The following KIF21A variants were observed in gnomAD, a reference collection of about 807,000 sequenced individuals.
The protein encoded by KIF21A is kinesin family member 21A.
Under a neutral mutation model 202.9 loss-of-function variants are expected in KIF21A, and 114 were observed. The observed-to-expected ratio is 0.56, with a 90% CI of 0.48 to 0.66. KIF21A has a LOEUF of 0.66. Among genes scored for constraint, KIF21A ranks in the 30% least tolerant of loss-of-function variants. The pLI is 0.00. For synonymous variants in KIF21A, 667 were observed against 670.8 expected, an observed-to-expected ratio of 0.99 and a Z score of 0.09; for missense variants, 1,677 against 1,994.9, an observed-to-expected ratio of 0.84 and a Z score of 3.04.
chr12:39,363,394 C>T (rs1482142404), intron 6 of KIF21A, among the ~76,000 whole-genome samples, 181 bp from the exon 7 acceptor site: 1 of 151,666 alleles, frequency 6.6e-6, no homozygotes, highest in East Asian at 1.9e-4. Context: ...TATATTAGTA[C>T]TATATATAAT....
At chr12:39,330,964 C>T (rs948282759) in intron 22 of KIF21A, 53 bp from the exon 23 acceptor site, 2 of 1,571,186 alleles carry the variant, frequency 1.3e-6, no homozygotes, top group African/African-American at 1.4e-5. Context: ...ATCTACCACA[C>T]AAAGATCTGT....
chr12:39,332,084 TA>T, intron 21 of KIF21A, 129 bp downstream of exon 21: 2 of 848,696 alleles, frequency 2.4e-6, no homozygotes, highest in Non-Finnish European at 1.9e-6. Flanking sequence ...GGCATACATG[TA>T]AAACCTAAGC....
intron 15 of KIF21A, 57 bp downstream of exon 15, chr12:39,340,849 A>G: frequency 8.0e-7 from 1 of 1,254,782 alleles, no homozygotes; most frequent in South Asian, 1.3e-5. Flanking sequence ...GGAAAAGATA[A>G]AAACCCATTT....
intron 36 of KIF21A, 131 bp downstream of exon 36, chr12:39,302,834 T>C: frequency 1.2e-6 from 1 of 826,366 alleles, no homozygotes. Flanking sequence ...TGAAACATTC[T>C]TTAAGAAAAA....
chr12:39,305,880 C>A (rs940754018), intron 34 of KIF21A, among the ~76,000 whole-genome samples: 1 of 152,132 alleles, frequency 6.6e-6, no homozygotes, highest in Non-Finnish European at 1.5e-5. Flanking sequence ...CACACATTTT[C>A]ACAAATACAC....
chr12:39,366,817 A>G (rs1949633519), intron 5 of KIF21A, among the ~76,000 whole-genome samples: 1 of 152,226 alleles, frequency 6.6e-6, no homozygotes, highest in South Asian at 2.1e-4. Context: ...ATATGGCCAC[A>G]GCATGCTTTT....
chr12:39,329,455 A>G lies in KIF21A; in HGVS notation c.3340+787T>C, dbSNP rs1013145625. 6.6e-5 allele frequency among the ~76,000 whole-genome samples: 10 copies of G among 152,266 alleles called. No homozygotes were observed. The East Asian group carries it at 1.7e-3, about 26-fold the overall frequency. ...CAAAGAGAAGGAGGAGGAGAACAAG[A>G]AGGAGGAGAAAGATGAAGAAGGGGG... On this transcript the variant is annotated intron_variant, in intron 24 of 37. Coordinates refer to ENST00000361418, the MANE Select transcript of KIF21A (RefSeq NM_001173464.2).
At chr12:39,331,642 G>T in intron 22 of KIF21A, 48 bp downstream of exon 22, 1 of 1,185,998 alleles carries the variant, frequency 8.4e-7, no homozygotes, top group Non-Finnish European at 1.3e-6. Flanking sequence ...AAACTACAAT[G>T]AATTAGTCAA....
chr12:39,378,243 A>G (rs137900227), intron 1 of KIF21A, among the ~76,000 whole-genome samples: 76 of 152,304 alleles, frequency 5.0e-4, no homozygotes, highest in African/African-American at 1.8e-3. Context: ...GGTTCATCTA[A>G]GGACACAGAA....
At chr12:39,433,909 A>C (rs1474926683) in intron 1 of KIF21A, among the ~76,000 whole-genome samples, 5 of 152,230 alleles carry the variant, frequency 3.3e-5, no homozygotes, top group Non-Finnish European at 7.3e-5. Flanking sequence ...ATACTCAAAA[A>C]GCAAAAGAAC....
intron 1 of KIF21A, among the ~76,000 whole-genome samples, chr12:39,381,421 T>A (rs1385893757): frequency 2.0e-5 from 3 of 152,012 alleles, no homozygotes; most frequent in Admixed American, 2.0e-4. Context: ...ACAATCACTC[T>A]GGGAAGGAAA....
At chr12:39,415,338 C>G (rs1953478064) in intron 1 of KIF21A, among the ~76,000 whole-genome samples, 1 of 144,590 alleles carries the variant, frequency 6.9e-6, no homozygotes, top group Admixed American at 7.3e-5. Flanking sequence ...CTCCCGGGTT[C>G]ACGCCATTCT....
intron 1 of KIF21A, among the ~76,000 whole-genome samples, chr12:39,419,133 G>T (rs535299167): frequency 6.6e-6 from 1 of 152,234 alleles, no homozygotes; most frequent in South Asian, 2.1e-4. Context: ...GACATGGAAG[G>T]GTATGGTTTA....
chr12:39,348,398 T>A (rs1291097110), intron 11 of KIF21A, among the ~76,000 whole-genome samples: 1 of 152,054 alleles, frequency 6.6e-6, no homozygotes, highest in Non-Finnish European at 1.5e-5. Flanking sequence ...CAACAGAAAA[T>A]AAGCACAAAA....
At chr12:39,305,493 C>T (rs1943384082) in intron 34 of KIF21A, among the ~76,000 whole-genome samples, 1 of 152,100 alleles carries the variant, frequency 6.6e-6, no homozygotes, top group South Asian at 2.1e-4. Context: ...AAGCAATCCT[C>T]CCACCTCAAC....
intron 1 of KIF21A, among the ~76,000 whole-genome samples, chr12:39,391,796 G>A (rs1254852468): frequency 6.6e-6 from 1 of 152,100 alleles, no homozygotes; most frequent in Non-Finnish European, 1.5e-5. Context: ...CTGGAGTGCA[G>A]TGGCATAATC....
In KIF21A at chr12:39,294,350, A is replaced by T; in HGVS notation, c.*74T>A. On this transcript the variant is annotated 3_prime_UTR_variant, in exon 38 of 38. Transcript: ENST00000361418. ...GATTCATACGTTTTGCCTAGTAAGT[A>T]CAGGACAACATTTTCCATAAAGAAT... is the stretch of plus-strand genomic sequence containing the variant. 1 of 1,131,374 alleles carries T rather than the reference A, an allele frequency of 8.8e-7. No individual in the cohort carries two copies. Among genetic ancestry groups the T allele is most frequent in the African/African-American group, 1.5e-5 (1 of 65,844 alleles). The allele number at this position is 1,131,374 out of a possible 1,614,324, so 70.1% of individuals were successfully genotyped here.
At chr12:39,323,437 AT>A (rs995540915) in intron 26 of KIF21A, among the ~76,000 whole-genome samples, 1 of 151,982 alleles carries the variant, frequency 6.6e-6, no homozygotes, top group Non-Finnish European at 1.5e-5. Context: ...TTCTAATACA[AT>A]TTTTTTTCAA....
intron 1 of KIF21A, among the ~76,000 whole-genome samples, chr12:39,402,457 G>A (rs1453154471): frequency 6.6e-6 from 1 of 152,146 alleles, no homozygotes; most frequent in Non-Finnish European, 1.5e-5. Flanking sequence ...CAACTACTCA[G>A]GAGGCCGAGG....
Sources: gnomAD v4.1 joint callset for allele counts (sites outside exome capture counted in the v4.1 genomes callset) on GRCh38, gnomAD v4.1.1 for gene constraint, MANE v1.5 for transcripts, NCBI Gene and HGNC (gene_info 2026-07-23, HGNC 2026-07-21) for gene names.